The following THBS4 variants were observed in gnomAD, a reference collection of about 807,000 sequenced individuals.
THBS4 encodes thrombospondin-4.
In THBS4, 90 loss-of-function variants were observed where a neutral mutation model predicts 115.7. That is an observed-to-expected ratio of 0.78 (90% CI 0.66 to 0.93). The LOEUF is 0.93. Ranked by LOEUF, THBS4 falls within the 40% of genes least tolerant of loss-of-function variation. The pLI is 0.00. For missense variants in THBS4, 1,087 were observed against 1,232.7 expected (o/e 0.88, Z 1.77); for synonymous variants, 460 against 479.3 (o/e 0.96, Z 0.53).
At chr5:80,055,179 G>A (rs1212396364) in intron 2 of THBS4, among the ~76,000 whole-genome samples, 1 of 152,112 alleles carries the variant, frequency 6.6e-6, no homozygotes, top group East Asian at 1.9e-4. Context: ...TAAATTAGCT[G>A]GGTGTGGTGG....
intron 2 of THBS4, among the ~76,000 whole-genome samples, chr5:80,050,955 G>A (rs946476042): frequency 3.3e-5 from 5 of 152,176 alleles, no homozygotes; most frequent in Non-Finnish European, 5.9e-5. Context: ...AGGTGTGGTC[G>A]AGTCGGGAGG....
chr5:80,066,050 G>A lies in THBS4; in HGVS notation c.1194+573G>A, dbSNP rs538150219. Among the ~76,000 whole-genome samples, 415 of 138,990 alleles carry A rather than the reference G, an allele frequency of 3.0e-3. 1 individual carries two copies. Among genetic ancestry groups the A allele is most frequent in the African/African-American group, 0.011 (400 of 36,376 alleles). The allele number at this position is 138,990 out of a possible 152,430, so 91.2% of individuals were successfully genotyped here. A position where few individuals can be genotyped will look rare whatever the true frequency, so the allele number is the denominator to read the frequency against. On this transcript the variant is annotated intron_variant, in intron 9 of 21. Coordinates refer to ENST00000350881, the MANE Select transcript of THBS4 (RefSeq NM_003248.6). ...GCGGAGCTTGCAGTGAGCCGAGATCGCACCACTGCACTCCAGCCTGGGCGA... is the reference window on the plus strand; with the variant it reads ...GCGGAGCTTGCAGTGAGCCGAGATCACACCACTGCACTCCAGCCTGGGCGA...
chr5:79,996,263 A>G (rs186150760), intron 1 of THBS4, among the ~76,000 whole-genome samples: 18 of 152,364 alleles, frequency 1.2e-4, no homozygotes, highest in Admixed American at 5.9e-4. Flanking sequence ...AAATCAAGGG[A>G]GAGCCATGGG....
At chr5:80,025,644 A>G (rs1580920931) in intron 2 of THBS4, among the ~76,000 whole-genome samples, 1 of 152,286 alleles carries the variant, frequency 6.6e-6, no homozygotes, top group East Asian at 1.9e-4. Flanking sequence ...ACTCAGGAGG[A>G]GCTCTTCCTG....
intron 2 of THBS4, among the ~76,000 whole-genome samples, chr5:80,023,627 G>T (rs1052244875): frequency 6.6e-6 from 1 of 152,194 alleles, no homozygotes. Context: ...ATTTAGTGTT[G>T]CTGTAACAGA....
At chr5:80,011,519 AG>A (rs1832126236) in intron 2 of THBS4, among the ~76,000 whole-genome samples, 1 of 152,230 alleles carries the variant, frequency 6.6e-6, no homozygotes, top group African/African-American at 2.4e-5. Flanking sequence ...TGATTTGTTC[AG>A]CTTATTGACT....
chr5:80,021,679 G>A lies in THBS4; in HGVS notation n.178-18398G>A, dbSNP rs183319787. On this transcript the variant is annotated intron_variant and non_coding_transcript_variant, in intron 2 of 3. Coordinates refer to the THBS4 transcript ENST00000510218. ...AGATTTTTGTATTTTTTGTAGACAC[G>A]GGGTCTGTGTTTTGTATATTTTGTA... is the stretch of plus-strand genomic sequence containing the variant. Among the ~76,000 whole-genome samples, 497 of 152,074 alleles carry A rather than the reference G, an allele frequency of 3.3e-3. 2 individuals carry two copies. Among genetic ancestry groups the A allele is most frequent in the Non-Finnish European group, 4.1e-3 (280 of 67,984 alleles).
chr5:80,073,389 TG>T (rs67990303), intron 15 of THBS4, 62 bp downstream of exon 15: 117,953 of 1,420,444 alleles, frequency 0.083, 2,304 homozygotes, highest in African/African-American at 0.16. Flanking sequence ...GTTTTTGGTT[TG>T]TTTTTTTTTT....
chr5:80,082,623 T>TC lies in THBS4; in HGVS notation c.2824+78_2824+79insC, dbSNP rs1743576069. On this transcript the variant is annotated intron_variant, in intron 21 of 21. Transcript: ENST00000350881. ...CTGCCACCTTATTTTTATACCGCAC[T>TC]TCCCCCCCAAAAGCCCAACGCTCAT... is the stretch of plus-strand genomic sequence containing the variant. 4 of 1,553,918 alleles carry TC rather than the reference T, an allele frequency of 2.6e-6. No individual in the cohort carries two copies. In the East Asian group the frequency reaches 9.1e-5, roughly 35 times the overall value.
chr5:80,016,262 T>G (rs549929170), intron 2 of THBS4, among the ~76,000 whole-genome samples: 1 of 152,332 alleles, frequency 6.6e-6, no homozygotes, highest in African/African-American at 2.4e-5. Context: ...GCATACTGTT[T>G]TGACCGATTA....
chr5:80,059,932 G>T lies in THBS4; in HGVS notation c.987+27G>T, dbSNP rs368129692. 12 of 1,598,074 alleles carry T rather than the reference G, an allele frequency of 7.5e-6. No individual in the cohort carries two copies. In the African/African-American group the frequency reaches 1.3e-4, roughly 18 times the overall value. On this transcript the variant is annotated intron_variant, in intron 7 of 21. Transcript: ENST00000350881. ...TAAAAGTTCACTTAGACTGGGAGGG[G>T]ATCCCTAAGTATCCTCCTCACCCTG...
At chr5:79,994,523 A>G (rs1831750419) in intron 1 of THBS4, among the ~76,000 whole-genome samples, 2 of 152,242 alleles carry the variant, frequency 1.3e-5, no homozygotes, top group South Asian at 4.1e-4. Flanking sequence ...GCACACTGCA[A>G]GCCTGTCAGG....
intron 7 of THBS4, among the ~76,000 whole-genome samples, chr5:80,061,402 G>T (rs189647473): frequency 1.2e-4 from 19 of 152,282 alleles, no homozygotes; most frequent in Non-Finnish European, 2.2e-4. Flanking sequence ...CAAATTCCAT[G>T]TCAGAATATC....
chr5:80,004,297 C>T (rs913607578), intron 2 of THBS4, among the ~76,000 whole-genome samples: 7 of 152,166 alleles, frequency 4.6e-5, no homozygotes, highest in African/African-American at 1.7e-4. Flanking sequence ...TGATATTGTT[C>T]AGATTCTGTG....
intron 1 of THBS4, among the ~76,000 whole-genome samples, chr5:80,038,884 C>G (rs912920743): frequency 6.6e-6 from 1 of 152,178 alleles, no homozygotes; most frequent in Non-Finnish European, 1.5e-5. Context: ...ACAGAGAGTG[C>G]CCATTTCCCT....
At chr5:80,053,530 TGC>T (rs2112077152) in intron 2 of THBS4, among the ~76,000 whole-genome samples, 1 of 152,274 alleles carries the variant, frequency 6.6e-6, no homozygotes, top group Admixed American at 6.5e-5. Context: ...AAGGTTCTGA[TGC>T]ATGTGACTAA....
chr5:80,030,233 C>T (rs1421349896), intron 2 of THBS4, among the ~76,000 whole-genome samples: 3 of 151,830 alleles, frequency 2.0e-5, no homozygotes, highest in African/African-American at 4.8e-5. Context: ...GGTCTTGCTC[C>T]GTGGCCCAGG....
intron 10 of THBS4, 24 bp from the exon 11 acceptor site, chr5:80,070,282 C>T: frequency 1.3e-6 from 2 of 1,540,482 alleles, no homozygotes. Flanking sequence ...CTTCCCAGGC[C>T]TCTGATGGGC....
At chr5:80,043,158 A>T (rs1010544075) in intron 2 of THBS4, among the ~76,000 whole-genome samples, 1 of 152,234 alleles carries the variant, frequency 6.6e-6, no homozygotes, top group Non-Finnish European at 1.5e-5. Context: ...TTATGCTGTT[A>T]TTAGAGCTTG....
Sources: allele counts gnomAD v4.1 joint callset (sites outside exome capture counted in the v4.1 genomes callset), GRCh38; gene constraint gnomAD v4.1.1; transcripts MANE v1.5; gene names NCBI Gene and HGNC (gene_info 2026-07-23, HGNC 2026-07-21).